The following LMNTD1 variants were observed in gnomAD, a reference collection of about 807,000 sequenced individuals.
LMNTD1 encodes lamin tail domain-containing protein 1.
LMNTD1 carries 35 observed loss-of-function variants against 50.9 expected under a neutral mutation model. The ratio of observed to expected loss-of-function variants is 0.69; its 90% confidence interval spans 0.53 to 0.91. LMNTD1 has a LOEUF of 0.91. LMNTD1 is among the 40% of genes least tolerant of loss of function. The pLI is 0.00. For synonymous variants in LMNTD1, 153 were observed against 161.9 expected (o/e 0.94, Z 0.42); for missense variants, 470 against 475.5 (o/e 0.99, Z 0.11).
intron 1 of LMNTD1, among the ~76,000 whole-genome samples, chr12:25,598,228 A>T (rs1161425140): frequency 6.6e-6 from 1 of 152,146 alleles, no homozygotes; most frequent in Non-Finnish European, 1.5e-5. Context: ...ATAATACAAC[A>T]TATAAATTAA....
intron 1 of LMNTD1, among the ~76,000 whole-genome samples, chr12:25,612,329 C>CGCGT (rs1555122417): frequency 1.6e-4 from 3 of 18,664 alleles, no homozygotes; most frequent in Non-Finnish European, 1.5e-3. Context: ...CACACACACA[C>CGCGT]GCGCTCCCAC....
At chr12:25,484,047 T>C (rs1938529677) in intron 9 of LMNTD1, among the ~76,000 whole-genome samples, 1 of 151,942 alleles carries the variant, frequency 6.6e-6, no homozygotes, top group Non-Finnish European at 1.5e-5. Flanking sequence ...TGTATTTAAG[T>C]CACCCGGATA....
chr12:25,561,228 T>A (rs1295783991), intron 1 of LMNTD1, among the ~76,000 whole-genome samples: 1 of 152,206 alleles, frequency 6.6e-6, no homozygotes, highest in Non-Finnish European at 1.5e-5. Flanking sequence ...CTTTTAATTG[T>A]GATGTTAGGG....
intron 1 of LMNTD1, among the ~76,000 whole-genome samples, chr12:25,644,109 G>A (rs564738523): frequency 6.6e-6 from 1 of 152,188 alleles, no homozygotes; most frequent in African/African-American, 2.4e-5. Flanking sequence ...ATGAAAACAG[G>A]AGAAGTGCAC....
rs1939542767 is a variant in LMNTD1, at chr12:25,503,929, G to A, written c.1190-129C>T. 5 of 542,410 alleles carry A rather than the reference G, an allele frequency of 9.2e-6. No individual in the cohort carries two copies. The South Asian group carries it at 1.3e-4, about 14-fold the overall frequency. The allele number at this position is 542,410 out of a possible 1,614,324, so 33.6% of individuals were successfully genotyped here. A position where few individuals can be genotyped will look rare whatever the true frequency, so the allele number is the denominator to read the frequency against. On this transcript the variant is annotated intron_variant, in intron 8 of 9. Coordinates refer to ENST00000458174, the MANE Select transcript of LMNTD1 (RefSeq NM_001145728.2). ...ATCCTGGAATAAGCTAACAACAAAA[G>A]GATTTTCTTTCACTTGAAGAAGAAA...
chr12:25,588,021 G>A lies in LMNTD1; in HGVS notation c.59-41467C>T, dbSNP rs59090174. ...AACTTGTCAAGCTGTTTCATACTAA[G>A]AATCAGAAGTTCTTCTAAGGTACGT... is the stretch of plus-strand genomic sequence containing the variant. On this transcript the variant is annotated intron_variant, in intron 1 of 7. Transcript: ENST00000445693. Among the ~76,000 whole-genome samples the A allele has an allele frequency of 2.0e-5, 3 of 152,112 alleles. No homozygotes were observed. In the South Asian group the frequency reaches 6.2e-4, roughly 32 times the overall value.
chr12:25,645,247 A>C (rs1053698254), intron 1 of LMNTD1, among the ~76,000 whole-genome samples: 5 of 152,200 alleles, frequency 3.3e-5, no homozygotes, highest in Admixed American at 2.0e-4. Context: ...TTTTCAATTA[A>C]ATGATTTTAG....
chr12:25,608,923 C>G (rs11833668), intron 1 of LMNTD1, among the ~76,000 whole-genome samples: 3,512 of 152,312 alleles, frequency 0.023, 110 homozygotes, highest in African/African-American at 0.073. Flanking sequence ...TGTTTTCCAG[C>G]TTGGTTCCAT....
At position 25,527,669 on chromosome 12, in the gene LMNTD1, TATATATATATATACACAC is replaced by T. The variant is rs1328206479; in HGVS notation, c.492-732_492-715del. Among the ~76,000 whole-genome samples the T allele has an allele frequency of 6.5e-3, 147 of 22,722 alleles. No homozygotes were observed. The East Asian group carries it at 0.1, about 16-fold the overall frequency. The allele number at this position is 22,722 out of a possible 152,430, so 14.9% of individuals were successfully genotyped here. On this transcript the variant is annotated intron_variant, in intron 4 of 9. Transcript: ENST00000458174. ...ATATATATATATATATATATATATA[TATATATATATATACACAC>T]ACACACACACACACACACACACACA...
intron 9 of LMNTD1, among the ~76,000 whole-genome samples, chr12:25,503,258 A>G (rs1482676595): frequency 6.6e-6 from 1 of 152,208 alleles, no homozygotes; most frequent in Non-Finnish European, 1.5e-5. Flanking sequence ...AGTTGATATC[A>G]TCGTGAAAAA....
chr12:25,519,586 T>TTAAAAAA (rs781742784), intron 7 of LMNTD1, among the ~76,000 whole-genome samples: 4 of 74,954 alleles, frequency 5.3e-5, no homozygotes, highest in Admixed American at 1.5e-4. Flanking sequence ...AGACTCTGTC[T>TTAAAAAA]CAAAAAAAAA....
At chr12:25,625,731 G>A (rs1413017145) in intron 1 of LMNTD1, among the ~76,000 whole-genome samples, 27 of 152,160 alleles carry the variant, frequency 1.8e-4, no homozygotes, top group Admixed American at 1.8e-3. Flanking sequence ...GTGGTTGCCA[G>A]AGCCCTGCCT....
At chr12:25,514,401 T>A (rs112209869) in intron 8 of LMNTD1, among the ~76,000 whole-genome samples, 2 of 152,066 alleles carry the variant, frequency 1.3e-5, no homozygotes, top group South Asian at 4.2e-4. Flanking sequence ...AAAACTATCA[T>A]AAATAAATAT....
chr12:25,526,729 G>A, intron 5 of LMNTD1, 40 bp downstream of exon 5: 1 of 1,406,172 alleles, frequency 7.1e-7, no homozygotes, highest in East Asian at 2.3e-5. Flanking sequence ...AGTTTGTCCT[G>A]TACAATTCTA....
intron 1 of LMNTD1, among the ~76,000 whole-genome samples, chr12:25,574,600 C>T (rs768643054): frequency 1.3e-5 from 2 of 152,146 alleles, no homozygotes; most frequent in Non-Finnish European, 2.9e-5. Flanking sequence ...TGATTCTCCC[C>T]AAACTAGAAA....
intron 4 of LMNTD1, among the ~76,000 whole-genome samples, chr12:25,536,859 A>G (rs890067445): frequency 2.0e-5 from 3 of 152,258 alleles, no homozygotes; most frequent in African/African-American, 7.2e-5. Flanking sequence ...GGCGCAGGTC[A>G]GTGGGTGCAC....
chr12:25,556,766 T>C (rs191434634), upstream of LMNTD1, among the ~76,000 whole-genome samples: 15 of 152,348 alleles, frequency 9.8e-5, no homozygotes, highest in East Asian at 1.3e-3. Context: ...CAAAATTCCA[T>C]ATTCTTAAGT....
chr12:25,580,089 C>T (rs942005835), intron 1 of LMNTD1, among the ~76,000 whole-genome samples: 1 of 152,176 alleles, frequency 6.6e-6, no homozygotes, highest in Admixed American at 6.5e-5. Context: ...CTACTAGACA[C>T]TTCCCTATGC....
intron 4 of LMNTD1, among the ~76,000 whole-genome samples, chr12:25,539,680 C>A (rs1321030753): frequency 2.0e-5 from 3 of 148,892 alleles, no homozygotes; most frequent in South Asian, 2.2e-4. Flanking sequence ...AAAGCAAGAG[C>A]AAACACATTC....
Sources: allele counts gnomAD v4.1 joint callset (sites outside exome capture counted in the v4.1 genomes callset), GRCh38; gene constraint gnomAD v4.1.1; transcripts MANE v1.5; gene names NCBI Gene and HGNC (gene_info 2026-07-23, HGNC 2026-07-21).